Variants in RYR2 observed in about 807,000 individuals in gnomAD.
RYR2 encodes cardiac muscle ryanodine receptor-calcium release channel.
In RYR2, 227 loss-of-function variants were observed where a neutral mutation model predicts 601.1. That is an observed-to-expected ratio of 0.38 (90% CI 0.34 to 0.42). RYR2 has a LOEUF of 0.42. RYR2 is among the 10% of genes least tolerant of loss of function. The pLI is 1.00. For synonymous variants in RYR2, 2,223 were observed against 2,175.1 expected (o/e 1.02, Z -0.61); for missense variants, 4,646 against 6,156.5 (o/e 0.75, Z 8.21).
At chr1:237,801,591 AAAAG>A (rs1659978873) in intron 97 of RYR2, among the ~76,000 whole-genome samples, 1 of 152,018 alleles carries the variant, frequency 6.6e-6, no homozygotes, top group African/African-American at 2.4e-5. Flanking sequence ...GGAAAGGTGA[AAAAG>A]AAAGGACTAT....
intron 1 of RYR2, among the ~76,000 whole-genome samples, chr1:237,098,379 TTGTGTGTATGTGTG>T (rs982034209): frequency 2.4e-4 from 14 of 58,798 alleles, no homozygotes; most frequent in South Asian, 9.9e-4. Flanking sequence ...ATAGTTGCCA[TTGTGTGTATGTGTG>T]TGTGTGTGTG....
chr1:237,647,737 A>G (rs1682321388), intron 48 of RYR2, among the ~76,000 whole-genome samples: 1 of 152,188 alleles, frequency 6.6e-6, no homozygotes, highest in South Asian at 2.1e-4. Flanking sequence ...CGTAATTATC[A>G]TGTGGTCAAA....
chr1:237,414,941 G>T (rs1246370285), intron 10 of RYR2, among the ~76,000 whole-genome samples: 1 of 152,024 alleles, frequency 6.6e-6, no homozygotes, highest in Non-Finnish European at 1.5e-5. Flanking sequence ...TATGTCAGTG[G>T]CTCTACACTG....
intron 58 of RYR2, among the ~76,000 whole-genome samples, chr1:237,672,351 G>A (rs1346463927): frequency 6.6e-6 from 1 of 152,182 alleles, no homozygotes. Flanking sequence ...TACAAATTAA[G>A]TTGCCAAATT....
chr1:237,623,208 T>C (rs1350809988), intron 38 of RYR2, among the ~76,000 whole-genome samples: 1 of 152,164 alleles, frequency 6.6e-6, no homozygotes, highest in Non-Finnish European at 1.5e-5. Context: ...AGAAACGTTA[T>C]ATGACTATTT....
intron 24 of RYR2, 58 bp downstream of exon 24, chr1:237,511,849 A>AC (rs1196700646): frequency 1.4e-5 from 14 of 994,820 alleles, no homozygotes; most frequent in East Asian, 5.9e-5. Context: ...AAAAAAAAAA[A>AC]AAAAAAAAAA....
intron 10 of RYR2, among the ~76,000 whole-genome samples, chr1:237,400,755 G>A (rs1294212030): frequency 6.6e-6 from 1 of 151,984 alleles, no homozygotes; most frequent in Non-Finnish European, 1.5e-5. Flanking sequence ...TCCCCCGAAA[G>A]TAGAGAGTGA....
intron 80 of RYR2, among the ~76,000 whole-genome samples, chr1:237,743,921 C>A (rs576374047): frequency 3.9e-4 from 59 of 152,274 alleles, no homozygotes; most frequent in African/African-American, 1.4e-3. Flanking sequence ...ACTTTTTAAG[C>A]CAGGGACTTC....
At chr1:237,196,891 A>T (rs777110238) in intron 1 of RYR2, among the ~76,000 whole-genome samples, 1 of 152,172 alleles carries the variant, frequency 6.6e-6, no homozygotes, top group Non-Finnish European at 1.5e-5. Context: ...GAGCCTTTCT[A>T]TCCATAAACA....
intron 62 of RYR2, among the ~76,000 whole-genome samples, chr1:237,686,673 G>A (rs1686420957): frequency 6.6e-6 from 1 of 152,140 alleles, no homozygotes; most frequent in African/African-American, 2.4e-5. Context: ...CTGAGAGTTA[G>A]TGGATACCAG....
chr1:237,784,781 G>T lies in RYR2; in HGVS notation c.13069G>T (p.Ala4357Ser). The change falls in exon 90 of 105, where the codon GCC becomes TCC. Residue 4357 changes from alanine to serine, a missense_variant. Physicochemically the swap from Ala to Ser is moderately conservative, Grantham distance 99 (BLOSUM62 1). Transcript: ENST00000366574. This position sits in a 1 kb window ranked among gnomAD's most constrained non-coding sequence, Gnocchi z 7.1. ...GGGAGAGAGGAAACCCCTGGAAGCC[G>T]CCCTGCCCTCCGAGGATCTGACCGA... ...EEGERKPLEA[A>S]LPSEDLTDLK... The T allele has an allele frequency of 6.2e-7, 1 of 1,608,582 alleles. No individual in the cohort carries two copies. Among genetic ancestry groups the T allele is most frequent in the South Asian group, 1.1e-5 (1 of 90,642 alleles).
intron 24 of RYR2, among the ~76,000 whole-genome samples, chr1:237,528,459 T>C (rs1457385109): frequency 1.3e-5 from 2 of 152,200 alleles, no homozygotes; most frequent in Non-Finnish European, 2.9e-5. Context: ...GGAGGACTAC[T>C]GTACTACAGA....
At chr1:237,831,627 A>G in intron 104 of RYR2, 62 bp downstream of exon 104, 2 of 983,738 alleles carry the variant, frequency 2.0e-6, no homozygotes, top group South Asian at 2.8e-5. Flanking sequence ...AAATATCAGA[A>G]CAAAATGTGT....
intron 10 of RYR2, among the ~76,000 whole-genome samples, chr1:237,406,505 C>T (rs1272295811): frequency 6.6e-6 from 1 of 151,626 alleles, no homozygotes; most frequent in Non-Finnish European, 1.5e-5. Context: ...ACTTTTGCAA[C>T]ATTTACACAT....
intron 4 of RYR2, among the ~76,000 whole-genome samples, chr1:237,363,978 C>G (rs755194494): frequency 2.0e-5 from 3 of 152,132 alleles, no homozygotes; most frequent in Non-Finnish European, 2.9e-5. Flanking sequence ...TTGTTTTTAT[C>G]ACTGCATTTT....
chr1:237,324,857 A>T (rs1288587768), intron 2 of RYR2, among the ~76,000 whole-genome samples: 1 of 152,206 alleles, frequency 6.6e-6, no homozygotes, highest in Non-Finnish European at 1.5e-5. Flanking sequence ...TTGGAGCCCA[A>T]TTGAAAGGCA....
intron 2 of RYR2, among the ~76,000 whole-genome samples, chr1:237,278,935 T>G (rs1690572595): frequency 6.6e-6 from 1 of 152,222 alleles, no homozygotes; most frequent in Non-Finnish European, 1.5e-5. Context: ...CTAATGTTCC[T>G]TTGATAATAT....
intron 1 of RYR2, among the ~76,000 whole-genome samples, chr1:237,082,524 CATATAT>C (rs71561856): frequency 0.01 from 821 of 79,998 alleles, 25 homozygotes; most frequent in African/African-American, 0.021. Context: ...AATAGGAAAA[CATATAT>C]ATATATATAT....
chr1:237,188,016 A>C (rs1271040509), intron 1 of RYR2, among the ~76,000 whole-genome samples: 1 of 152,194 alleles, frequency 6.6e-6, no homozygotes, highest in Non-Finnish European at 1.5e-5. Context: ...CTCCTTGCCC[A>C]GATCACTAAA....
Sources: allele counts gnomAD v4.1 joint callset (sites outside exome capture counted in the v4.1 genomes callset), GRCh38; gene constraint gnomAD v4.1.1; non-coding constraint Gnocchi (gnomAD v3.1); transcripts MANE v1.5; gene names NCBI Gene and HGNC (gene_info 2026-07-23, HGNC 2026-07-21).